The following UBXN8 variants were observed in gnomAD, a reference collection of about 807,000 sequenced individuals.
UBXN8 encodes the protein UBX domain-containing protein 8.
UBXN8 carries 27 observed loss-of-function variants against 32.1 expected under a neutral mutation model. The ratio of observed to expected loss-of-function variants is 0.84; its 90% CI spans 0.62 to 1.16. The LOEUF is 1.16. Ranked by LOEUF, UBXN8 falls within the 50% of genes most tolerant of loss-of-function variation. UBXN8 has a pLI of 0.00. For synonymous variants in UBXN8, 109 were observed against 111.8 expected, an observed-to-expected ratio of 0.98 and a Z score of 0.16; for missense variants, 306 against 311.4, an observed-to-expected ratio of 0.98 and a Z score of 0.13.
intron 1 of UBXN8, chr8:30,734,180 A>C (rs1324792231): frequency 2.0e-5 from 3 of 152,254 alleles, no homozygotes; most frequent in Non-Finnish European, 4.4e-5. Flanking sequence ...AATGAAGGAG[A>C]ATGGAAACAC....
intron 1 of UBXN8, among the ~76,000 whole-genome samples, chr8:30,749,461 A>C (rs1805459631): frequency 6.6e-6 from 1 of 151,940 alleles, no homozygotes; most frequent in South Asian, 2.1e-4. Context: ...TTTCCTCCGC[A>C]AGCATGTAAA....
upstream of UBXN8, among the ~76,000 whole-genome samples, chr8:30,741,108 TAACTA>T (rs1203849881): frequency 1.3e-5 from 2 of 151,336 alleles, no homozygotes; most frequent in South Asian, 2.1e-4. Context: ...TAAACCACTC[TAACTA>T]GACTATAGAA....
intron 4 of UBXN8, chr8:30,756,063 C>A: frequency 6.7e-6 from 1 of 149,618 alleles, no homozygotes; most frequent in South Asian, 2.0e-4. Context: ...CTCACTCTGT[C>A]GCCCAAGTTG....
intron 1 of UBXN8, among the ~76,000 whole-genome samples, chr8:30,746,234 C>T (rs776191544): frequency 4.8e-4 from 73 of 152,034 alleles, no homozygotes; most frequent in Non-Finnish European, 8.1e-4. Flanking sequence ...GAATTCTGAA[C>T]GAATGATTGT....
At chr8:30,762,525 T>C (rs545302483) in intron 6 of UBXN8, among the ~76,000 whole-genome samples, 1 of 152,284 alleles carries the variant, frequency 6.6e-6, no homozygotes, top group South Asian at 2.1e-4. Context: ...CCTGAGTAGC[T>C]AAGACCACAG....
chr8:30,759,819 T>C (rs570337574), intron 5 of UBXN8, among the ~76,000 whole-genome samples: 92 of 151,076 alleles, frequency 6.1e-4, no homozygotes, highest in African/African-American at 2.0e-3. Flanking sequence ...TAGCGGGGCA[T>C]GGTGGCAGGC....
intron 1 of UBXN8, among the ~76,000 whole-genome samples, chr8:30,748,846 A>G (rs1042337973): frequency 1.3e-5 from 2 of 152,066 alleles, no homozygotes; most frequent in African/African-American, 2.4e-5. Context: ...CGGCCTATAT[A>G]TATGTTTTTC....
chr8:30,738,610 G>A (rs1165982492), intron 1 of UBXN8, among the ~76,000 whole-genome samples: 4 of 145,254 alleles, frequency 2.8e-5, no homozygotes, highest in African/African-American at 5.2e-5. Context: ...GCAGTGAGCC[G>A]AGATCGTGCC....
At chr8:30,740,653 G>T (rs1805179386), upstream of UBXN8, among the ~76,000 whole-genome samples, 1 of 151,450 alleles carries the variant, frequency 6.6e-6, no homozygotes, top group South Asian at 2.1e-4. Context: ...TGAGCCCAGG[G>T]GTTCCAGGCT....
At chr8:30,761,584 G>A (rs146812259) in intron 6 of UBXN8, among the ~76,000 whole-genome samples, 15 of 152,210 alleles carry the variant, frequency 9.9e-5, no homozygotes, top group South Asian at 2.1e-4. Flanking sequence ...CAGAAAATGC[G>A]TTGCTTACTA....
chr8:30,752,887 C>G lies in UBXN8; in HGVS notation c.212-148C>G, dbSNP rs750343867. The G allele has an allele frequency of 1.9e-4, 180 of 931,868 alleles. 1 individual carries two copies. In the Middle Eastern group the frequency reaches 2.6e-3, roughly 14 times the overall value. 57.7% of individuals were successfully genotyped at this position (931,868 alleles called of 1,614,324 possible). A position where few individuals can be genotyped will look rare whatever the true frequency, so the allele number is the denominator to read the frequency against. On this transcript the variant is annotated intron_variant, in intron 2 of 7. Coordinates refer to ENST00000265616, the MANE Select transcript of UBXN8 (RefSeq NM_005671.4). ...AATCCTAAAAGGTTATACTATTCAA[C>G]CCAAACATAAATGACAATGTGATGT...
At chr8:30,743,688 A>G (rs575760767), upstream of UBXN8, among the ~76,000 whole-genome samples, 7 of 152,352 alleles carry the variant, frequency 4.6e-5, no homozygotes, top group East Asian at 1.3e-3. Flanking sequence ...GCCAGGCCCC[A>G]CTTTCGAGTT....
At chr8:30,736,837 A>C (rs1174239183) in intron 1 of UBXN8, among the ~76,000 whole-genome samples, 1 of 152,196 alleles carries the variant, frequency 6.6e-6, no homozygotes, top group African/African-American at 2.4e-5. Context: ...ATAAAGAATA[A>C]TACAATGGCA....
chr8:30,734,483 G>C (rs1432550359), intron 1 of UBXN8, among the ~76,000 whole-genome samples: 1 of 151,994 alleles, frequency 6.6e-6, no homozygotes, highest in Non-Finnish European at 1.5e-5. Flanking sequence ...AGCTGGGTGT[G>C]GTGGGATACA....
chr8:30,734,857 C>T (rs2911665), intron 1 of UBXN8, among the ~76,000 whole-genome samples: 1 of 151,956 alleles, frequency 6.6e-6, no homozygotes, highest in Non-Finnish European at 1.5e-5. Flanking sequence ...GGTAGCAGAT[C>T]ACTTGAGCCC....
upstream of UBXN8, chr8:30,732,279 G>T (rs533802273): frequency 1.4e-3 from 540 of 397,756 alleles, 3 homozygotes; most frequent in African/African-American, 9.6e-3. Context: ...CGGCAGTCGG[G>T]TGCGCCAAGA....
intron 1 of UBXN8, among the ~76,000 whole-genome samples, chr8:30,745,567 T>A (rs932514181): frequency 1.3e-5 from 2 of 152,118 alleles, no homozygotes; most frequent in Non-Finnish European, 2.9e-5. Flanking sequence ...TTGCGTGCAA[T>A]AAGAAATGAA....
In UBXN8 at chr8:30,756,764, G is replaced by A. The variant is rs1429844812; in HGVS notation, c.406-1G>A. 1 of 1,613,868 alleles carries A rather than the reference G, an allele frequency of 6.2e-7. No homozygotes were observed. Among genetic ancestry groups the A allele is most frequent in the Non-Finnish European group, 8.5e-7 (1 of 1,179,880 alleles). On this transcript the variant is annotated splice_acceptor_variant, in intron 4 of 7. Coordinates refer to ENST00000265616, the MANE Select transcript of UBXN8 (RefSeq NM_005671.4). LOFTEE classifies it high-confidence loss of function. ...AGAAATTGTCTGTTGTGTTTGACCA[G>A]GGTGATGAAGGTACAAGTCAGACAT...
chr8:30,762,099 T>C (rs568127967), intron 6 of UBXN8, among the ~76,000 whole-genome samples: 13 of 149,808 alleles, frequency 8.7e-5, no homozygotes, highest in Non-Finnish European at 1.9e-4. Context: ...GCTTTTGCTC[T>C]GTCTCATAGG....
Sources: allele counts gnomAD v4.1 joint callset (sites outside exome capture counted in the v4.1 genomes callset), GRCh38; gene constraint gnomAD v4.1.1; transcripts MANE v1.5; gene names NCBI Gene and HGNC (gene_info 2026-07-23, HGNC 2026-07-21).